Variants in NEGR1 observed in about 807,000 individuals in gnomAD.
NEGR1 encodes the protein neuronal growth regulator 1.
A neutral mutation model predicts 40.9 loss-of-function variants in NEGR1; 10 were observed. That is an observed-to-expected ratio of 0.24 (90% CI 0.15 to 0.42). The LOEUF is 0.42. Among genes scored for constraint, NEGR1 ranks in the 10% least tolerant of loss-of-function variants. NEGR1 has a pLI of 1.00. For missense variants in NEGR1, 352 were observed against 438.9 expected (o/e 0.80, Z 1.77); for synonymous variants, 185 against 166.8 (o/e 1.11, Z -0.84).
At chr1:71,692,892 C>A (rs952533315) in intron 4 of NEGR1, among the ~76,000 whole-genome samples, 4 of 151,774 alleles carry the variant, frequency 2.6e-5, no homozygotes, top group African/African-American at 9.7e-5. Flanking sequence ...TTAATCAATT[C>A]TATTTTACTA....
chr1:72,249,611 T>A (rs1189239955), intron 1 of NEGR1, among the ~76,000 whole-genome samples: 11 of 152,096 alleles, frequency 7.2e-5, no homozygotes, highest in Admixed American at 7.2e-4. Context: ...TAAATACTTA[T>A]CCATGTGGCC....
At chr1:71,919,615 G>C (rs1325842272) in intron 2 of NEGR1, among the ~76,000 whole-genome samples, 74 of 150,938 alleles carry the variant, frequency 4.9e-4, no homozygotes, top group Non-Finnish European at 4.4e-5. Flanking sequence ...TTGATTTTTT[G>C]GTTAGTGAAT....
At chr1:71,851,798 T>C (rs2101813543) in intron 2 of NEGR1, among the ~76,000 whole-genome samples, 1 of 152,270 alleles carries the variant, frequency 6.6e-6, no homozygotes, top group South Asian at 2.1e-4. Context: ...AACAGTTTTA[T>C]TAAGATAGCA....
rs1653391440 is a variant in NEGR1, at chr1:72,206,203, G to A, written c.176+76116C>T. 3.3e-5 allele frequency among the ~76,000 whole-genome samples: 5 copies of A among 152,024 alleles called. No individual in the cohort carries two copies. In the South Asian group the frequency reaches 1.0e-3, roughly 32 times the overall value. ...GAAGAGGAAGGTCAGGAAATTGTGTGAATGTGTATGGGAAATGCTATTTTT... is the reference window on the plus strand; with the variant it reads ...GAAGAGGAAGGTCAGGAAATTGTGTAAATGTGTATGGGAAATGCTATTTTT... On this transcript the variant is annotated intron_variant, in intron 1 of 6. Coordinates refer to ENST00000357731, the MANE Select transcript of NEGR1 (RefSeq NM_173808.3).
At chr1:71,704,848 A>G (rs1177194248) in intron 3 of NEGR1, among the ~76,000 whole-genome samples, 1 of 151,936 alleles carries the variant, frequency 6.6e-6, no homozygotes, top group Non-Finnish European at 1.5e-5. Flanking sequence ...GAACATTGAC[A>G]CAAAAATCCC....
chr1:71,718,623 T>A (rs1208773969), intron 3 of NEGR1, among the ~76,000 whole-genome samples: 1 of 152,224 alleles, frequency 6.6e-6, no homozygotes, highest in Admixed American at 6.5e-5. Context: ...AGTTGTTGAC[T>A]TTTTATTTTG....
intron 6 of NEGR1, among the ~76,000 whole-genome samples, chr1:71,553,209 T>C (rs781621132): frequency 2.0e-5 from 3 of 151,594 alleles, no homozygotes; most frequent in Non-Finnish European, 4.4e-5. Flanking sequence ...ATATCTTAAC[T>C]TTTGATTTAT....
chr1:71,460,990 G>A (rs764261981), intron 6 of NEGR1, among the ~76,000 whole-genome samples: 2 of 151,596 alleles, frequency 1.3e-5, no homozygotes, highest in Non-Finnish European at 2.9e-5. Context: ...AAGCTTGCTG[G>A]TCTCTGAAAA....
intron 6 of NEGR1, among the ~76,000 whole-genome samples, chr1:71,590,652 G>A (rs1409759211): frequency 6.6e-6 from 1 of 152,072 alleles, no homozygotes; most frequent in Non-Finnish European, 1.5e-5. Flanking sequence ...TCTAGAAGAG[G>A]AGAATTACAG....
intron 1 of NEGR1, among the ~76,000 whole-genome samples, chr1:72,202,442 C>T (rs1451494536): frequency 1.3e-5 from 2 of 151,946 alleles, no homozygotes; most frequent in African/African-American, 4.8e-5. Flanking sequence ...AAAACTGAGA[C>T]TCTAAAGACT....
intron 1 of NEGR1, among the ~76,000 whole-genome samples, chr1:72,273,620 G>A (rs2051062): frequency 0.015 from 2,203 of 151,774 alleles, 57 homozygotes; most frequent in African/African-American, 0.051. Flanking sequence ...ACACAAAATA[G>A]AAGTTAATCA....
At chr1:71,776,809 C>T (rs1214598044) in intron 2 of NEGR1, among the ~76,000 whole-genome samples, 1 of 152,112 alleles carries the variant, frequency 6.6e-6, no homozygotes, top group African/African-American at 2.4e-5. Context: ...AATTTTCTAT[C>T]TGCCAGGTAG....
chr1:71,608,054 C>T (rs553691095), intron 5 of NEGR1, among the ~76,000 whole-genome samples: 18 of 152,270 alleles, frequency 1.2e-4, no homozygotes, highest in African/African-American at 3.6e-4. Context: ...GCATAGTGAG[C>T]GCAACCATTC....
At chr1:71,997,765 T>C (rs1646517857) in intron 1 of NEGR1, among the ~76,000 whole-genome samples, 1 of 151,984 alleles carries the variant, frequency 6.6e-6, no homozygotes, top group African/African-American at 2.4e-5. Context: ...TTCTTTCCAT[T>C]TGCATAAGTT....
intron 4 of NEGR1, among the ~76,000 whole-genome samples, chr1:71,637,369 T>C (rs141737864): frequency 6.6e-6 from 1 of 152,112 alleles, no homozygotes; most frequent in African/African-American, 2.4e-5. Context: ...ATTGCTTGAG[T>C]ATATGTTCAA....
At chr1:71,737,751 C>CA (rs1655085072) in intron 3 of NEGR1, among the ~76,000 whole-genome samples, 1 of 151,944 alleles carries the variant, frequency 6.6e-6, no homozygotes, top group Non-Finnish European at 1.5e-5. Context: ...CAGGCAAAGA[C>CA]AAAAAAGATA....
intron 6 of NEGR1, among the ~76,000 whole-genome samples, chr1:71,429,094 G>A (rs1646448147): frequency 6.6e-6 from 1 of 152,016 alleles, no homozygotes; most frequent in Non-Finnish European, 1.5e-5. Flanking sequence ...TGATTAAAAG[G>A]TTACATCTTG....
At chr1:71,715,525 C>T (rs568531406) in intron 3 of NEGR1, among the ~76,000 whole-genome samples, 8 of 152,272 alleles carry the variant, frequency 5.3e-5, no homozygotes, top group Admixed American at 3.3e-4. Flanking sequence ...CAAACCATCT[C>T]TTTGTGAATG....
At chr1:71,491,677 G>A (rs968347644) in intron 6 of NEGR1, among the ~76,000 whole-genome samples, 3 of 151,620 alleles carry the variant, frequency 2.0e-5, no homozygotes, top group Admixed American at 6.6e-5. Context: ...TGGCCAGCCC[G>A]GCCTCTCCAC....
Sources: gnomAD v4.1 joint callset for allele counts (sites outside exome capture counted in the v4.1 genomes callset) on GRCh38, gnomAD v4.1.1 for gene constraint, MANE v1.5 for transcripts, NCBI Gene and HGNC (gene_info 2026-07-23, HGNC 2026-07-21) for gene names.